WDR70: variants seen among roughly 807,000 people sequenced by gnomAD.
WDR70 encodes WD repeat-containing protein 70.
A neutral mutation model predicts 88.6 loss-of-function variants in WDR70; 53 were observed. The ratio of observed to expected loss-of-function variants is 0.60; its 90% CI spans 0.48 to 0.75. The LOEUF is 0.75. Ranked by LOEUF, WDR70 falls within the 30% of genes least tolerant of loss-of-function variation. The pLI is 0.00. For synonymous variants in WDR70, 280 were observed against 270.0 expected (o/e 1.04, Z -0.36); for missense variants, 610 against 823.2 (o/e 0.74, Z 3.17).
At chr5:37,661,829 A>G (rs1187454553) in intron 10 of WDR70, among the ~76,000 whole-genome samples, 1 of 152,212 alleles carries the variant, frequency 6.6e-6, no homozygotes, top group Non-Finnish European at 1.5e-5. Context: ...TGTTATTCAT[A>G]GTAATTAATA....
chr5:37,650,259 G>A (rs1320090473), intron 10 of WDR70, among the ~76,000 whole-genome samples: 1 of 151,602 alleles, frequency 6.6e-6, no homozygotes, highest in East Asian at 2.0e-4. Context: ...AAATTAGCTG[G>A]GTGTGGTGGT....
intron 9 of WDR70, among the ~76,000 whole-genome samples, chr5:37,528,727 T>G (rs949919261): frequency 5.9e-5 from 9 of 152,220 alleles, no homozygotes; most frequent in African/African-American, 2.2e-4. Flanking sequence ...CTTTATCGGA[T>G]GCAGAGATTA....
intron 9 of WDR70, among the ~76,000 whole-genome samples, chr5:37,568,384 A>G (rs1742807626): frequency 1.3e-5 from 2 of 152,188 alleles, no homozygotes; most frequent in Middle Eastern, 3.2e-3. Context: ...GCCCCTGTTT[A>G]TTTTAATTGA....
At chr5:37,631,907 G>GAGCA (rs1744829848) in intron 10 of WDR70, among the ~76,000 whole-genome samples, 2 of 152,174 alleles carry the variant, frequency 1.3e-5, no homozygotes, top group South Asian at 4.1e-4. Context: ...AGCAGAGCCG[G>GAGCA]GTGAGTGGGG....
At chr5:37,688,510 T>C (rs1746679898) in intron 10 of WDR70, among the ~76,000 whole-genome samples, 2 of 152,046 alleles carry the variant, frequency 1.3e-5, no homozygotes, top group Non-Finnish European at 2.9e-5. Context: ...TACAGGACTT[T>C]TGGGTAAACT....
intron 10 of WDR70, among the ~76,000 whole-genome samples, chr5:37,692,389 C>A (rs914593856): frequency 6.6e-6 from 1 of 152,112 alleles, no homozygotes; most frequent in Non-Finnish European, 1.5e-5. Context: ...CATCCTAATA[C>A]CAAAGGCTGG....
At chr5:37,536,593 C>T (rs938639335) in intron 9 of WDR70, among the ~76,000 whole-genome samples, 1 of 152,040 alleles carries the variant, frequency 6.6e-6, no homozygotes, top group African/African-American at 2.4e-5. Flanking sequence ...TAGGGATACT[C>T]AAACCTGTAT....
intron 8 of WDR70, among the ~76,000 whole-genome samples, chr5:37,500,260 A>G (rs1379023576): frequency 6.6e-6 from 1 of 152,166 alleles, no homozygotes; most frequent in Non-Finnish European, 1.5e-5. Context: ...GATGCAAAAG[A>G]CATTATTTCG....
At chr5:37,523,584 C>A (rs1475870479) in intron 9 of WDR70, among the ~76,000 whole-genome samples, 1 of 152,206 alleles carries the variant, frequency 6.6e-6, no homozygotes, top group Non-Finnish European at 1.5e-5. Flanking sequence ...TCTCCCCCTC[C>A]AAAGGAATGC....
chr5:37,685,800 G>A (rs936508212), intron 10 of WDR70, among the ~76,000 whole-genome samples: 1 of 152,102 alleles, frequency 6.6e-6, no homozygotes, highest in Non-Finnish European at 1.5e-5. Context: ...GGCCCGTGGC[G>A]AGAGTGGGTT....
intron 17 of WDR70, among the ~76,000 whole-genome samples, chr5:37,750,960 T>C (rs1472877225): frequency 6.6e-6 from 1 of 152,248 alleles, no homozygotes; most frequent in African/African-American, 2.4e-5. Context: ...CTTTTTTATA[T>C]ACAAGAAACT....
rs765972982 is a variant in WDR70 at position 37,605,163 on chromosome 5, A to G, written c.1017A>G (p.Thr339=). The G allele has an allele frequency of 1.9e-6, 3 of 1,613,304 alleles. No individual in the cohort carries two copies. Among genetic ancestry groups the G allele is most frequent in the African/African-American group, 2.7e-5 (2 of 74,890 alleles). ...AAAAAGTCATTCCCACTACGTGCAC[A>G]TATAGTAGAGATGGAAACCTCATAG... ...QGKKVIPTTC[T]YSRDGNLIAA... is the part of the protein sequence containing the mutation. The change falls in exon 10 of 18, where the codon ACA becomes ACG. Residue 339 remains threonine, a synonymous_variant. Coordinates refer to ENST00000265107, the MANE Select transcript of WDR70 (RefSeq NM_018034.4).
chr5:37,387,207 A>T (rs549934518), intron 3 of WDR70, among the ~76,000 whole-genome samples: 20 of 152,042 alleles, frequency 1.3e-4, no homozygotes, highest in African/African-American at 4.8e-4. Flanking sequence ...GTAACATTGG[A>T]TGGATTTTCC....
chr5:37,502,430 AT>A (rs1231852291), intron 8 of WDR70, among the ~76,000 whole-genome samples: 9 of 152,002 alleles, frequency 5.9e-5, no homozygotes, highest in African/African-American at 1.9e-4. Flanking sequence ...TTTGTCGTAT[AT>A]GGCTTTTATT....
chr5:37,572,048 G>C (rs977853922), intron 9 of WDR70, among the ~76,000 whole-genome samples: 3 of 152,228 alleles, frequency 2.0e-5, no homozygotes, highest in Non-Finnish European at 2.9e-5. Flanking sequence ...AGTGATAACA[G>C]CTTCAGAAAC....
intron 9 of WDR70, among the ~76,000 whole-genome samples, chr5:37,551,383 T>A (rs1742140420): frequency 6.6e-6 from 1 of 152,078 alleles, no homozygotes; most frequent in Non-Finnish European, 1.5e-5. Context: ...CCTAGCTTTT[T>A]AACTTTTTGT....
chr5:37,514,387 T>G (rs1740823780), intron 8 of WDR70, among the ~76,000 whole-genome samples: 1 of 9,302 alleles, frequency 1.1e-4, no homozygotes, highest in African/African-American at 1.2e-4. Context: ...TGTATTTTTT[T>G]TTCCATTAAC....
intron 9 of WDR70, among the ~76,000 whole-genome samples, chr5:37,561,138 T>C (rs1742490761): frequency 6.6e-6 from 1 of 152,326 alleles, no homozygotes; most frequent in East Asian, 1.9e-4. Context: ...GGAAATCTAC[T>C]AAGAAGATGA....
intron 10 of WDR70, among the ~76,000 whole-genome samples, chr5:37,611,914 C>T (rs995713630): frequency 7.9e-5 from 12 of 151,618 alleles, no homozygotes; most frequent in African/African-American, 2.9e-4. Flanking sequence ...ATAGTGATAT[C>T]ATCAAAGACT....
Sources: gnomAD v4.1 joint callset for allele counts (sites outside exome capture counted in the v4.1 genomes callset) on GRCh38, gnomAD v4.1.1 for gene constraint, MANE v1.5 for transcripts, NCBI Gene and HGNC (gene_info 2026-07-23, HGNC 2026-07-21) for gene names.